Variants in UTP4 observed in about 807,000 individuals in gnomAD.
UTP4 encodes U3 small nucleolar RNA-associated protein 4 homolog.
In UTP4, 45 loss-of-function variants were observed where a neutral mutation model predicts 82.4. The observed-to-expected ratio is 0.55, with a 90% CI of 0.43 to 0.70. UTP4 has a LOEUF of 0.70. Among genes scored for constraint, UTP4 ranks in the 30% least tolerant of loss-of-function variants. UTP4 has a pLI of 0.00. For synonymous variants in UTP4, 348 were observed against 300.3 expected (o/e 1.16, Z -1.64); for missense variants, 819 against 858.3 (o/e 0.95, Z 0.57).
chr16:69,144,226 G>A (rs988326327), intron 6 of UTP4, among the ~76,000 whole-genome samples: 1 of 144,938 alleles, frequency 6.9e-6, no homozygotes, highest in Non-Finnish European at 1.5e-5. Flanking sequence ...TTTTGAGACG[G>A]AGTCTAGCTC....
Position 69,163,142 on chromosome 16 carries a change from T to C in UTP4, c.1611T>C (p.Asn537=), listed in dbSNP as rs1376332804. 1.9e-6 allele frequency: 3 copies of C among 1,613,984 alleles called. No homozygotes were observed. In the African/African-American group the frequency reaches 4.0e-5, roughly 22 times the overall value. The change falls in exon 14 of 17, where the codon AAT becomes AAC. Residue 537 remains asparagine (N), a synonymous_variant. Coordinates refer to ENST00000314423, the MANE Select transcript of UTP4 (RefSeq NM_032830.3). ...FPVTAMAIAP[N]TNNLVIAHSD... ...TGACTGCTATGGCTATTGCCCCCAA[T>C]ACCAACAACCTTGTCATCGCTCATT...
At chr16:69,146,362 G>A (rs1567604333) in intron 6 of UTP4, among the ~76,000 whole-genome samples, 1 of 152,004 alleles carries the variant, frequency 6.6e-6, no homozygotes, top group Non-Finnish European at 1.5e-5. Context: ...TCTACTTTCT[G>A]TTCCTATGAA....
intron 12 of UTP4, among the ~76,000 whole-genome samples, chr16:69,157,985 G>A (rs547951866): frequency 7.9e-5 from 12 of 151,384 alleles, no homozygotes; most frequent in Non-Finnish European, 1.3e-4. Flanking sequence ...GAGTATTAAT[G>A]AATGAGTGTG....
chr16:69,152,464 CTTTTTTTTTTTT>C lies in UTP4; in HGVS notation c.1003-1109_1003-1098del, dbSNP rs58914042. Among the ~76,000 whole-genome samples the C allele has an allele frequency of 2.0e-4, 21 of 107,152 alleles. No homozygotes were observed. The East Asian group carries it at 5.7e-3, about 29-fold the overall frequency. The allele number at this position is 107,152 out of a possible 152,430, so 70.3% of individuals were successfully genotyped here. On this transcript the variant is annotated intron_variant, in intron 8 of 16. Transcript: ENST00000314423. ...CCAGGCTCAGCTAATTTCTGTTTTT[CTTTTTTTTTTTT>C]TTTTTTTTTTGAGACAGAGCTTTGC...
chr16:69,138,605 C>G (rs1962874336), intron 4 of UTP4, among the ~76,000 whole-genome samples: 1 of 152,166 alleles, frequency 6.6e-6, no homozygotes, highest in Non-Finnish European at 1.5e-5. Context: ...AAACAGTTGC[C>G]CATCCTTGGG....
intron 13 of UTP4, among the ~76,000 whole-genome samples, chr16:69,161,816 A>T (rs371874852): frequency 1.8e-4 from 28 of 152,074 alleles, no homozygotes; most frequent in African/African-American, 6.5e-4. Context: ...GGCGAGTCCC[A>T]CCACACCTAG....
chr16:69,162,922 A>C (rs11640113), intron 13 of UTP4, among the ~76,000 whole-genome samples, 161 bp from the exon 14 acceptor site: 18,504 of 151,882 alleles, frequency 0.12, 1,298 homozygotes, highest in Middle Eastern at 0.23. Context: ...AAAAGAAATG[A>C]AAGTTCATTG....
At chr16:69,161,033 A>G (rs1469048145) in intron 13 of UTP4, among the ~76,000 whole-genome samples, 3 of 152,210 alleles carry the variant, frequency 2.0e-5, no homozygotes, top group Admixed American at 2.0e-4. Context: ...GGAAATTTGA[A>G]ATTAATGATC....
chr16:69,168,743 G>A (rs976154485), intron 16 of UTP4, 78 bp from the exon 17 acceptor site: 3 of 882,822 alleles, frequency 3.4e-6, no homozygotes, highest in Non-Finnish European at 5.9e-6. Context: ...AGCTTAGATG[G>A]TGTCTACCTA....
intron 6 of UTP4, among the ~76,000 whole-genome samples, chr16:69,146,567 A>G (rs143182241): frequency 2.2e-4 from 34 of 152,312 alleles, no homozygotes; most frequent in African/African-American, 7.5e-4. Flanking sequence ...TGTTGTAAAT[A>G]ATGCTGCTCT....
chr16:69,154,060 G>C (rs535631022), intron 9 of UTP4, among the ~76,000 whole-genome samples: 69 of 152,266 alleles, frequency 4.5e-4, no homozygotes, highest in Non-Finnish European at 8.4e-4. Context: ...TGGAGTGACA[G>C]CCTAGTGGCC....
chr16:69,165,229 G>T, intron 14 of UTP4, 112 bp from the exon 15 acceptor site: 5 of 857,388 alleles, frequency 5.8e-6, no homozygotes, highest in Non-Finnish European at 9.3e-6. Flanking sequence ...AGCATAGAAT[G>T]AATATAATAC....
intron 6 of UTP4, among the ~76,000 whole-genome samples, chr16:69,144,162 ACAG>A (rs1963044896): frequency 1.4e-5 from 2 of 147,386 alleles, no homozygotes; most frequent in African/African-American, 5.1e-5. Context: ...TGCTGGGATT[ACAG>A]GTGTGAGCCA....
intron 11 of UTP4, among the ~76,000 whole-genome samples, chr16:69,156,874 A>C (rs1963429510): frequency 6.6e-6 from 1 of 152,226 alleles, no homozygotes; most frequent in South Asian, 2.1e-4. Context: ...CGTGCGACTT[A>C]GTTATTTCCT....
chr16:69,168,856 A>G lies in UTP4; in HGVS notation c.1980A>G (p.Thr660=). The G allele has an allele frequency of 1.2e-6, 2 of 1,613,796 alleles. No homozygotes were observed. Among genetic ancestry groups the G allele is most frequent in the East Asian group, 4.5e-5 (2 of 44,876 alleles). The change falls in exon 17 of 17, where the codon ACA becomes ACG. Residue 660 remains threonine (T), a synonymous_variant. Transcript: ENST00000314423. ...TCATGGATCTTTTGGATGAAAGAACACTCGTGGCAGTAGAACGGCCTCTGG... is the reference window on the plus strand; with the variant it reads ...TCATGGATCTTTTGGATGAAAGAACGCTCGTGGCAGTAGAACGGCCTCTGG... ...LLFMDLLDER[T]LVAVERPLDD... is the part of the protein sequence containing the mutation.
Position 69,154,442 on chromosome 16 carries a change from G to A in UTP4, c.1149G>A (p.Leu383=), listed in dbSNP as rs1454224113. Residue 383 remains leucine, a synonymous_variant, in exon 10 of 17, where the codon CTG becomes CTA. Transcript: ENST00000314423. ...LPLSKNADHL[L]HLKTKGPENI... is the part of the protein sequence containing the mutation. Reference sequence around the variant, plus strand: ...TCTCTAAAAATGCAGATCATTTACTGCACCTAAAGACAAAGGTAAGGAAGT... The same window carrying A: ...TCTCTAAAAATGCAGATCATTTACTACACCTAAAGACAAAGGTAAGGAAGT... 2 of 1,612,320 alleles carry A rather than the reference G, an allele frequency of 1.2e-6. No homozygotes were observed. The highest frequency in any genetic ancestry group is 1.1e-5 in the South Asian group (1 of 91,020).
intron 5 of UTP4, 57 bp downstream of exon 5, chr16:69,139,971 A>G: frequency 2.4e-6 from 3 of 1,254,772 alleles, no homozygotes; most frequent in Non-Finnish European, 3.5e-6. Context: ...CACATTTCTG[A>G]GTTTTCAAAA....
intron 16 of UTP4, among the ~76,000 whole-genome samples, chr16:69,168,309 A>G (rs1195704417): frequency 1.3e-5 from 2 of 151,282 alleles, no homozygotes; most frequent in African/African-American, 2.4e-5. Context: ...GGTGGTGGGC[A>G]CCTGTAGTCC....
intron 6 of UTP4, among the ~76,000 whole-genome samples, chr16:69,144,798 C>T (rs967144928): frequency 1.3e-5 from 2 of 152,112 alleles, no homozygotes; most frequent in Non-Finnish European, 2.9e-5. Flanking sequence ...GATAAATTCC[C>T]CTTTAAAAAT....
Sources: allele counts gnomAD v4.1 joint callset (sites outside exome capture counted in the v4.1 genomes callset), GRCh38; gene constraint gnomAD v4.1.1; transcripts MANE v1.5; gene names NCBI Gene and HGNC (gene_info 2026-07-23, HGNC 2026-07-21).